ELMO1: variants seen among roughly 807,000 people sequenced by gnomAD.
The protein encoded by ELMO1 is engulfment and cell motility 1.
In ELMO1, 26 loss-of-function variants were observed where a neutral mutation model predicts 98.9. The ratio of observed to expected loss-of-function variants is 0.26; its 90% CI spans 0.19 to 0.36. ELMO1 has a LOEUF of 0.36. Among genes scored for constraint, ELMO1 ranks in the 10% least tolerant of loss-of-function variants. The pLI is 1.00. For missense variants in ELMO1, 627 were observed against 935.2 expected (o/e 0.67, Z 4.30); for synonymous variants, 346 against 346.0 (o/e 1.00, Z 0.00).
At chr7:37,213,196 C>T in intron 12 of ELMO1, 139 bp downstream of exon 12, 1 of 1,092,852 alleles carries the variant, frequency 9.2e-7, no homozygotes, top group African/African-American at 1.6e-5. Flanking sequence ...TGAAGCCATG[C>T]CCCTAAGTTC....
At chr7:37,143,756 G>T (rs1787798503) in intron 13 of ELMO1, among the ~76,000 whole-genome samples, 1 of 144,730 alleles carries the variant, frequency 6.9e-6, no homozygotes. Context: ...TGTCACCCAG[G>T]CTGGAGTGCA....
intron 13 of ELMO1, among the ~76,000 whole-genome samples, chr7:37,196,586 T>TG (rs533862202): frequency 2.9e-4 from 44 of 151,950 alleles, no homozygotes; most frequent in Non-Finnish European, 4.1e-4. Context: ...TCCAAGGGAG[T>TG]GGGGGGTGTC....
intron 10 of ELMO1, among the ~76,000 whole-genome samples, chr7:37,220,110 G>A (rs1297632432): frequency 6.6e-6 from 1 of 152,130 alleles, no homozygotes; most frequent in African/African-American, 2.4e-5. Context: ...TGCTTTACAG[G>A]CCTCTACTGA....
chr7:37,174,766 T>G (rs1790410139), intron 13 of ELMO1, among the ~76,000 whole-genome samples: 1 of 152,116 alleles, frequency 6.6e-6, no homozygotes, highest in Non-Finnish European at 1.5e-5. Context: ...GAGGTCAATA[T>G]CAAGCTAAAA....
At chr7:37,103,964 T>C (rs1245078183) in intron 14 of ELMO1, among the ~76,000 whole-genome samples, 4 of 126,842 alleles carry the variant, frequency 3.2e-5, no homozygotes, top group African/African-American at 6.1e-5. Flanking sequence ...TGAACCGAGA[T>C]TGCGCCACTG....
chr7:37,376,473 A>G (rs1381154462), intron 1 of ELMO1, among the ~76,000 whole-genome samples: 1 of 152,132 alleles, frequency 6.6e-6, no homozygotes, highest in African/African-American at 2.4e-5. Flanking sequence ...CGATTGTAAA[A>G]CCTAAGATTG....
At position 37,160,717 on chromosome 7, in the gene ELMO1, C is replaced by G. The variant is rs146424853; in HGVS notation, c.1087-27483G>C. Among the ~76,000 whole-genome samples, 44 of 152,288 alleles carry G rather than the reference C, an allele frequency of 2.9e-4. No homozygotes were observed. The East Asian group carries it at 7.5e-3, about 26-fold the overall frequency. Reference sequence around the variant, plus strand: ...CTTGAGAGAACAGGTGCCTGGGAGTCCTGTGCCCACCAGTCACGTGGCTTC... The same window carrying G: ...CTTGAGAGAACAGGTGCCTGGGAGTGCTGTGCCCACCAGTCACGTGGCTTC... On this transcript the variant is annotated intron_variant, in intron 13 of 21. Transcript: ENST00000310758.
intron 1 of ELMO1, among the ~76,000 whole-genome samples, chr7:37,403,308 AACAC>A (rs1440058533): frequency 5.9e-5 from 9 of 152,098 alleles, no homozygotes; most frequent in Non-Finnish European, 1.3e-4. Flanking sequence ...CTGTAATCCC[AACAC>A]TTTGAGAGGG....
At chr7:37,273,768 A>G (rs1337703769) in intron 4 of ELMO1, among the ~76,000 whole-genome samples, 1 of 152,178 alleles carries the variant, frequency 6.6e-6, no homozygotes, top group Non-Finnish European at 1.5e-5. Context: ...ATTTAAGACG[A>G]GCCACAAGCT....
In ELMO1 at chr7:36,880,867, T is replaced by C. The variant is rs75694449; in HGVS notation, c.1715-2750A>G. ...CAAAACAGCCATCTTCCTTGCAAAG[T>C]TGGAGTTGATGTTTGTTTAAAGAAA... On this transcript the variant is annotated intron_variant, in intron 18 of 21. Transcript: ENST00000310758. Among the ~76,000 whole-genome samples the C allele has an allele frequency of 3.3e-5, 5 of 152,334 alleles. No individual in the cohort carries two copies. In the East Asian group the frequency reaches 9.6e-4, roughly 29 times the overall value.
At chr7:36,984,609 G>T (rs994018128) in intron 16 of ELMO1, among the ~76,000 whole-genome samples, 2 of 152,096 alleles carry the variant, frequency 1.3e-5, no homozygotes, top group East Asian at 3.8e-4. Context: ...CTGTGCAAAA[G>T]GACATTTTTT....
chr7:36,904,715 A>C (rs1413284873), intron 16 of ELMO1, among the ~76,000 whole-genome samples: 1 of 152,248 alleles, frequency 6.6e-6, no homozygotes, highest in African/African-American at 2.4e-5. Flanking sequence ...TGTTTATGCA[A>C]GCAACATCCT....
intron 16 of ELMO1, among the ~76,000 whole-genome samples, chr7:36,997,524 T>C (rs181183492): frequency 1.3e-5 from 2 of 152,120 alleles, no homozygotes; most frequent in Non-Finnish European, 2.9e-5. Context: ...AGATCTCTCC[T>C]GGATTTCAAG....
At chr7:37,059,356 C>T (rs1796550198) in intron 15 of ELMO1, among the ~76,000 whole-genome samples, 1 of 152,152 alleles carries the variant, frequency 6.6e-6, no homozygotes, top group Admixed American at 6.5e-5. Flanking sequence ...AATGTGTCAG[C>T]TTTTTATGGG....
chr7:36,985,951 C>T (rs1301849787), intron 16 of ELMO1: 1 of 1,002,892 alleles, frequency 1.0e-6, no homozygotes, highest in African/African-American at 1.7e-5. Flanking sequence ...TCTTTCCCAA[C>T]CACAAATACT....
At chr7:37,406,549 C>A (rs561194225) in intron 1 of ELMO1, among the ~76,000 whole-genome samples, 1 of 151,980 alleles carries the variant, frequency 6.6e-6, no homozygotes, top group Non-Finnish European at 1.5e-5. Flanking sequence ...CCTGTCTCAG[C>A]CTCCCAAGCA....
At chr7:36,922,872 G>A (rs1182225383) in intron 16 of ELMO1, among the ~76,000 whole-genome samples, 1 of 152,216 alleles carries the variant, frequency 6.6e-6, no homozygotes, top group African/African-American at 2.4e-5. Context: ...CCTATGGAAA[G>A]TGTTCAGAGT....
At chr7:37,222,522 C>T in intron 10 of ELMO1, 93 bp downstream of exon 10, 1 of 1,217,518 alleles carries the variant, frequency 8.2e-7, no homozygotes, top group East Asian at 2.3e-5. Flanking sequence ...AGCAGAGAGG[C>T]CCAATGAGTC....
At chr7:37,354,236 C>G (rs1468189023) in intron 1 of ELMO1, among the ~76,000 whole-genome samples, 2 of 152,190 alleles carry the variant, frequency 1.3e-5, no homozygotes, top group Middle Eastern at 6.4e-3. Context: ...ATTTTCCAGA[C>G]AAGTGAATGA....
Sources: gnomAD v4.1 joint callset for allele counts (sites outside exome capture counted in the v4.1 genomes callset) on GRCh38, gnomAD v4.1.1 for gene constraint, MANE v1.5 for transcripts, NCBI Gene and HGNC (gene_info 2026-07-23, HGNC 2026-07-21) for gene names.